CORO2B: variants seen among roughly 807,000 people sequenced by gnomAD.
CORO2B encodes the protein coronin 2B, also known as coronin-2B.
CORO2B carries 26 observed loss-of-function variants against 58.8 expected under a neutral mutation model. The observed-to-expected ratio is 0.44, with a 90% CI of 0.32 to 0.61. CORO2B has a LOEUF of 0.61. Ranked by LOEUF, CORO2B falls within the 20% of genes least tolerant of loss-of-function variation. CORO2B has a pLI of 0.04. For synonymous variants in CORO2B, 242 were observed against 253.8 expected (o/e 0.95, Z 0.44); for missense variants, 460 against 645.1 (o/e 0.71, Z 3.11).
chr15:68,662,978 T>A (rs892042259), intron 2 of CORO2B, among the ~76,000 whole-genome samples: 6 of 152,224 alleles, frequency 3.9e-5, no homozygotes, highest in African/African-American at 1.2e-4. Context: ...CTTAAATTTT[T>A]TAAAATATTT....
Position 68,658,265 on chromosome 15 carries a change from G to A in CORO2B, c.216+12905G>A, listed in dbSNP as rs76169793. Among the ~76,000 whole-genome samples, 638 of 151,906 alleles carry A rather than the reference G, an allele frequency of 4.2e-3. 2 individuals are homozygous for A. Among genetic ancestry groups the A allele is most frequent in the African/African-American group, 0.014 (600 of 41,394 alleles). The stretch of plus-strand genomic sequence containing the variant: ...AGCCCTGGACCAGGGAGAGGGAACA[G>A]CTGGGGCCAGGCTGGCCAGCTCCCA... On this transcript the variant is annotated intron_variant, in intron 2 of 11. Transcript: ENST00000261861.
chr15:68,619,855 T>C (rs1187991799), intron 1 of CORO2B, among the ~76,000 whole-genome samples: 2 of 152,102 alleles, frequency 1.3e-5, no homozygotes, highest in East Asian at 3.9e-4. Flanking sequence ...CCTTTTTGGG[T>C]GGACAATGCT....
chr15:68,523,420 C>T, the CORO2B span, among the ~76,000 whole-genome samples: 1 of 152,086 alleles, frequency 6.6e-6, no homozygotes, highest in Admixed American at 6.6e-5. Flanking sequence ...TGGTCTTGAA[C>T]TCCTGGGCTT....
intron 1 of CORO2B, among the ~76,000 whole-genome samples, chr15:68,610,463 A>G (rs1566984475): frequency 6.6e-6 from 1 of 151,196 alleles, no homozygotes; most frequent in Non-Finnish European, 1.5e-5. Context: ...TGATCTCCAG[A>G]CCCCCTTGTT....
upstream of CORO2B, among the ~76,000 whole-genome samples, chr15:68,576,174 A>AAAGAAAGG (rs1899285224): frequency 6.6e-5 from 6 of 90,226 alleles, no homozygotes; most frequent in African/African-American, 3.2e-4. Context: ...AAAAAAAAAA[A>AAAGAAAGG]AAGAAAGAAA....
At chr15:68,660,185 A>G (rs1901968205) in intron 2 of CORO2B, among the ~76,000 whole-genome samples, 1 of 152,224 alleles carries the variant, frequency 6.6e-6, no homozygotes, top group Non-Finnish European at 1.5e-5. Context: ...TCATGAAAGA[A>G]GTCAAGAGCA....
At position 68,627,370 on chromosome 15, in the gene CORO2B, G is replaced by T. The variant is rs149460746; in HGVS notation, c.16-17790G>T. On this transcript the variant is annotated intron_variant, in intron 1 of 11. Transcript: ENST00000261861. ...AACTTGCCCTCAGTGCCTGAGAGTG[G>T]TTTATGGACCTTCAAGTGCAGGTGG... Among the ~76,000 whole-genome samples, 254 of 152,264 alleles carry T rather than the reference G, an allele frequency of 1.7e-3. 1 individual carries two copies. The highest frequency in any genetic ancestry group is 5.7e-3 in the African/African-American group (235 of 41,550).
At chr15:68,536,895 C>T in the CORO2B span, among the ~76,000 whole-genome samples, 1 of 152,166 alleles carries the variant, frequency 6.6e-6, no homozygotes, top group Non-Finnish European at 1.5e-5. Context: ...GAATGTTGGC[C>T]TGCTTCCTGC....
chr15:68,714,309 T>C (rs1180223925), intron 6 of CORO2B, among the ~76,000 whole-genome samples: 16 of 152,112 alleles, frequency 1.1e-4, no homozygotes, highest in Non-Finnish European at 2.4e-4. Flanking sequence ...TGGGGACACA[T>C]AGCAAGTAGC....
Position 68,673,385 on chromosome 15 carries a change from C to A in CORO2B, c.217-21755C>A, listed in dbSNP as rs148725875. On this transcript the variant is annotated intron_variant, in intron 2 of 11. Transcript: ENST00000261861. ...TCAAATGAAAAAAATAAAAAATTAG[C>A]CAAGCATGCCTGAGTCCGGCTACTT... is the stretch of plus-strand genomic sequence containing the variant. Among the ~76,000 whole-genome samples, 419 of 151,762 alleles carry A rather than the reference C, an allele frequency of 2.8e-3. 1 individual carries two copies. The highest frequency in any genetic ancestry group is 9.1e-3 in the African/African-American group (376 of 41,322).
At chr15:68,682,352 A>G (rs1322087081) in intron 2 of CORO2B, among the ~76,000 whole-genome samples, 3 of 152,182 alleles carry the variant, frequency 2.0e-5, no homozygotes, top group Non-Finnish European at 4.4e-5. Flanking sequence ...GGCTATGGGC[A>G]GGGTGCACCT....
At chr15:68,554,096 C>A in the CORO2B span, among the ~76,000 whole-genome samples, 1 of 152,084 alleles carries the variant, frequency 6.6e-6, no homozygotes, top group Non-Finnish European at 1.5e-5. Flanking sequence ...TGACAGGGCC[C>A]CCTTAGGGAG....
intron 3 of CORO2B, among the ~76,000 whole-genome samples, chr15:68,703,305 C>A (rs1036146544): frequency 4.5e-4 from 69 of 151,726 alleles, no homozygotes; most frequent in African/African-American, 1.6e-3. Flanking sequence ...CACGCGCTAC[C>A]ACGCCCAGTT....
At chr15:68,610,437 G>T (rs1900221753) in intron 1 of CORO2B, among the ~76,000 whole-genome samples, 1 of 151,966 alleles carries the variant, frequency 6.6e-6, no homozygotes, top group Admixed American at 6.6e-5. Flanking sequence ...CCTGGCCCCA[G>T]GCTTGTCTTC....
chr15:68,711,647 A>C lies in CORO2B; in HGVS notation c.589A>C (p.Thr197Pro). The C allele has an allele frequency of 6.2e-7, 1 of 1,614,034 alleles. No homozygotes were observed. Among genetic ancestry groups the C allele is most frequent in the Non-Finnish European group, 8.5e-7 (1 of 1,179,952 alleles). Residue 197 changes from threonine to proline, a missense_variant, in exon 5 of 12, where the codon ACC becomes CCC. Physicochemically the swap from Thr to Pro is conservative, Grantham distance 38. Coordinates refer to ENST00000261861, the MANE Select transcript of CORO2B (RefSeq NM_006091.5). ...CAACACGGACGGCAGCCTGCTCACC[A>C]CCACGTGCAAGGACAAGAAGCTGCG... Reference protein sequence around the residue: ...SFNTDGSLLTTTCKDKKLRVI... With the variant: ...SFNTDGSLLTPTCKDKKLRVI...
chr15:68,601,457 G>A (rs961517918), intron 1 of CORO2B, among the ~76,000 whole-genome samples: 6 of 152,178 alleles, frequency 3.9e-5, no homozygotes, highest in African/African-American at 1.2e-4. Context: ...CAGCCTGCAC[G>A]GAGCTTACAG....
Position 68,719,527 on chromosome 15 carries a change from A to C in CORO2B, c.1286A>C (p.Asn429Thr). ...GTCAACGGAATAGATTTATTAGAAA[A>C]TGTCCCACCCAGGACAGAGAATGAG... ...VVVNGIDLLE[N>T]VPPRTENELL... is the part of the protein sequence containing the mutation. Residue 429 changes from asparagine to threonine, a missense_variant, in exon 11 of 12, where the codon AAT (asparagine) becomes ACT (threonine). Physicochemically the swap from Asn to Thr is moderately conservative, Grantham distance 65. Around this residue, in one of 2 missense-constraint regions of CORO2B, gnomAD observed 108 missense variants for 102.1 expected, o/e 1.06. Transcript: ENST00000261861. The C allele has an allele frequency of 6.2e-7, 1 of 1,614,162 alleles. No individual in the cohort carries two copies. The highest frequency in any genetic ancestry group is 1.3e-5 in the African/African-American group (1 of 75,054).
chr15:68,602,008 C>CT lies in CORO2B; in HGVS notation c.15+22749dup, dbSNP rs566789911. On this transcript the variant is annotated intron_variant, in intron 1 of 11. Transcript: ENST00000261861. ...CAGAAGGCCAAACACGATGGGAAGG[C>CT]TTTTTTTTTTTTTTTTTTAAATAAA... 4.2e-3 allele frequency among the ~76,000 whole-genome samples: 562 copies of CT among 133,328 alleles called. 3 individuals are homozygous for CT. The highest frequency in any genetic ancestry group is 8.7e-3 in the South Asian group (35 of 4,002). The allele number at this position is 133,328 out of a possible 152,430, so 87.5% of individuals were successfully genotyped here. A position where few individuals can be genotyped will look rare whatever the true frequency, so the allele number is the denominator to read the frequency against.
intron 2 of CORO2B, among the ~76,000 whole-genome samples, chr15:68,690,966 G>A (rs1034479511): frequency 2.0e-5 from 3 of 150,968 alleles, no homozygotes; most frequent in African/African-American, 7.3e-5. Context: ...GCCTACATTA[G>A]CTTTCTCAGA....
Sources: allele counts gnomAD v4.1 joint callset (sites outside exome capture counted in the v4.1 genomes callset), GRCh38; gene constraint gnomAD v4.1.1; regional missense constraint gnomAD v4.1.1; transcripts MANE v1.5; gene names NCBI Gene and HGNC (gene_info 2026-07-23, HGNC 2026-07-21).